The following UFD1 variants were observed in gnomAD, a reference collection of about 807,000 sequenced individuals.
The protein encoded by UFD1 is ubiquitin recognition factor in ER associated degradation 1, also known as ubiquitin recognition factor in ER-associated degradation protein 1.
In UFD1, 13 loss-of-function variants were observed where a neutral mutation model predicts 45.9. That is an observed-to-expected ratio of 0.28 (90% CI 0.18 to 0.45). UFD1 has a LOEUF of 0.45. Ranked by LOEUF, UFD1 falls within the 20% of genes least tolerant of loss-of-function variation. UFD1 has a pLI of 1.00. For missense variants in UFD1, 218 were observed against 389.2 expected (o/e 0.56, Z 3.70); for synonymous variants, 128 against 139.2 (o/e 0.92, Z 0.56).
At chr22:19,469,715 A>G (rs993221440) in intron 4 of UFD1, among the ~76,000 whole-genome samples, 2 of 152,146 alleles carry the variant, frequency 1.3e-5, no homozygotes, top group Non-Finnish European at 2.9e-5. Flanking sequence ...ACTGGCTCAC[A>G]TGCCCTCCAA....
chr22:19,466,836 A>T (rs1050720054), intron 5 of UFD1: 19 of 152,392 alleles, frequency 1.2e-4, no homozygotes, highest in African/African-American at 4.3e-4. Context: ...TCTCAAAAAA[A>T]AGTCTGCATT....
chr22:19,469,115 A>C (rs1448650080), intron 4 of UFD1, among the ~76,000 whole-genome samples: 1 of 152,178 alleles, frequency 6.6e-6, no homozygotes. Context: ...GAGGGTGGTC[A>C]CTCTACCAAA....
chr22:19,476,666 TTTTTCTTATACATATCTACAA>T (rs2089883940), intron 1 of UFD1, among the ~76,000 whole-genome samples: 1 of 148,602 alleles, frequency 6.7e-6, no homozygotes, highest in Non-Finnish European at 1.5e-5. Flanking sequence ...CATACTATGT[TTTTTCTTATACATATCTACAA>T]TTTTCTTATA....
intron 3 of UFD1, among the ~76,000 whole-genome samples, chr22:19,473,113 A>T (rs576392999): frequency 9.2e-5 from 14 of 152,282 alleles, no homozygotes; most frequent in African/African-American, 3.1e-4. Context: ...AGGGGCCAGG[A>T]CCTCTGTCCC....
rs1304280040 is a variant in UFD1 at position 19,454,996 on chromosome 22, C to A, written c.768-166G>T. Among the ~76,000 whole-genome samples the A allele has an allele frequency of 2.0e-5, 3 of 152,154 alleles. No homozygotes were observed. The East Asian group carries it at 5.8e-4, about 29-fold the overall frequency. On this transcript the variant is annotated intron_variant, in intron 10 of 11. Transcript: ENST00000263202. The stretch of plus-strand genomic sequence containing the variant: ...GAGGGAAGCAGAAAGTAACTGACTT[C>A]TTGGTTTGGTATCAATATTGGGTAT...
intron 7 of UFD1, 176 bp from the exon 8 acceptor site, chr22:19,457,094 A>C: frequency 1.6e-6 from 1 of 611,154 alleles, no homozygotes. Context: ...ATTACAGTAA[A>C]GTATTGCTGC....
chr22:19,475,580 T>C lies in UFD1; in HGVS notation c.26A>G (p.His9Arg). Residue 9 changes from histidine to arginine, a missense_variant, in exon 2 of 12, where the codon CAC (histidine) becomes CGC (arginine). Physicochemically the swap from His to Arg is conservative, Grantham distance 29 (BLOSUM62 0). Transcript: ENST00000263202. MFSFNMFD[H>R]PIPRVFQNRF... is the part of the protein sequence containing the mutation. ...GTTTTGGAAGACCCTGGGAATAGGG[T>C]GGTCGAACATGTTGAAAGAGAACTA... is the stretch of plus-strand genomic sequence containing the variant. 6.2e-7 allele frequency: 1 copy of C among 1,613,970 alleles called. No individual in the cohort carries two copies. The highest frequency in any genetic ancestry group is 8.5e-7 in the Non-Finnish European group (1 of 1,179,960).
chr22:19,476,868 G>T (rs1240588996), intron 1 of UFD1, among the ~76,000 whole-genome samples: 2 of 151,652 alleles, frequency 1.3e-5, no homozygotes, highest in African/African-American at 4.8e-5. Flanking sequence ...TTAGCCGGGC[G>T]TGGTGGTACA....
At chr22:19,451,161 C>T (rs1342857260) in intron 11 of UFD1, 1 of 988,234 alleles carries the variant, frequency 1.0e-6, no homozygotes, top group Non-Finnish European at 1.2e-6. Context: ...GTTCATCACC[C>T]AAAAACATTT....
chr22:19,451,788 GCTT>G (rs936107756), intron 11 of UFD1: 31 of 985,266 alleles, frequency 3.1e-5, no homozygotes, highest in Non-Finnish European at 3.6e-5. Flanking sequence ...GCTGTGTTTG[GCTT>G]CTTCCTCTAT....
chr22:19,457,873 A>G (rs2089735254), intron 7 of UFD1, among the ~76,000 whole-genome samples, 198 bp downstream of exon 7: 1 of 151,950 alleles, frequency 6.6e-6, no homozygotes, highest in African/African-American at 2.4e-5. Context: ...CACTGGCAGC[A>G]AACTCTGTTG....
At chr22:19,464,151 A>C (rs2089785679) in intron 6 of UFD1, among the ~76,000 whole-genome samples, 1 of 152,246 alleles carries the variant, frequency 6.6e-6, no homozygotes, top group Non-Finnish European at 1.5e-5. Context: ...AAATATGAGG[A>C]AACTGCCAGA....
chr22:19,474,320 A>G (rs1441352947), intron 3 of UFD1, among the ~76,000 whole-genome samples: 3 of 152,126 alleles, frequency 2.0e-5, no homozygotes, highest in Non-Finnish European at 4.4e-5. Context: ...CGAGGCAGGC[A>G]GGTCACCTGA....
At chr22:19,465,098 A>C (rs2089792770) in intron 6 of UFD1, 104 bp downstream of exon 6, 1 of 1,082,572 alleles carries the variant, frequency 9.2e-7, no homozygotes. Flanking sequence ...TAATTAGGTG[A>C]TAAGATCCAG....
intron 11 of UFD1, chr22:19,453,528 C>A: frequency 1.0e-6 from 1 of 985,540 alleles, no homozygotes. Context: ...ATGCTAAGGT[C>A]TTAGGTCGGA....
chr22:19,458,070 C>T lies in UFD1; in HGVS notation c.564+1G>A. 1.2e-6 allele frequency: 2 copies of T among 1,614,144 alleles called. No individual in the cohort carries two copies. The highest frequency in any genetic ancestry group is 1.7e-6 in the Non-Finnish European group (2 of 1,179,988). On this transcript the variant is annotated splice_donor_variant, in intron 7 of 11. Transcript: ENST00000263202. LOFTEE classifies it high-confidence loss of function. ...CACTGTAACTGGACAGAGCCACTCA[C>T]GTTCATGTCACACTCAATGATGGAC...
At chr22:19,471,613 G>C (rs1192644505) in intron 4 of UFD1, 74 bp downstream of exon 4, 11 of 1,572,826 alleles carry the variant, frequency 7.0e-6, no homozygotes, top group Non-Finnish European at 9.5e-6. Flanking sequence ...CTGCTCCAGG[G>C]CCAGGACTCT....
At chr22:19,461,176 C>G (rs184743893) in intron 6 of UFD1, among the ~76,000 whole-genome samples, 129 of 152,314 alleles carry the variant, frequency 8.5e-4, no homozygotes, top group African/African-American at 2.8e-3. Context: ...CATGTGGTAG[C>G]ATGTGTCAGA....
intron 11 of UFD1, chr22:19,451,499 A>C (rs1312254065): frequency 8.1e-6 from 8 of 985,254 alleles, no homozygotes; most frequent in South Asian, 4.7e-5. Flanking sequence ...AGAAAGAGGG[A>C]TTGTTTTTTC....
Sources: allele counts gnomAD v4.1 joint callset (sites outside exome capture counted in the v4.1 genomes callset), GRCh38; gene constraint gnomAD v4.1.1; transcripts MANE v1.5; gene names NCBI Gene and HGNC (gene_info 2026-07-23, HGNC 2026-07-21).